The following ITGA9 variants were observed in gnomAD, a reference collection of about 807,000 sequenced individuals.
ITGA9 encodes integrin subunit alpha 9, also known as integrin alpha-9.
ITGA9 carries 56 observed loss-of-function variants against 127.8 expected under a neutral mutation model. The observed-to-expected ratio is 0.44, with a 90% CI of 0.35 to 0.55. The LOEUF is 0.55. Among genes scored for constraint, ITGA9 ranks in the 20% least tolerant of loss-of-function variants. The pLI, the probability that ITGA9 is intolerant of heterozygous loss-of-function variation, is 0.00. For synonymous variants in ITGA9, 508 were observed against 514.5 expected (o/e 0.99, Z 0.17); for missense variants, 1,196 against 1,347.1 (o/e 0.89, Z 1.76).
At chr3:37,624,764 G>T (rs928003003) in intron 15 of ITGA9, among the ~76,000 whole-genome samples, 1 of 151,958 alleles carries the variant, frequency 6.6e-6, no homozygotes, top group Non-Finnish European at 1.5e-5. Context: ...GCTCCACCAC[G>T]CCCGGCTAAT....
At chr3:37,557,596 G>A (rs1699443697) in intron 15 of ITGA9, among the ~76,000 whole-genome samples, 1 of 152,158 alleles carries the variant, frequency 6.6e-6, no homozygotes, top group Non-Finnish European at 1.5e-5. Context: ...GGGTGACAGA[G>A]AGTTGCTTCT....
At chr3:37,716,653 C>T (rs569633371) in intron 18 of ITGA9, among the ~76,000 whole-genome samples, 4 of 149,604 alleles carry the variant, frequency 2.7e-5, no homozygotes, top group Non-Finnish European at 4.4e-5. Flanking sequence ...CCCTGCAGCT[C>T]ATCCTTTTTT....
rs1377442416 is a variant in ITGA9, at chr3:37,750,461, G to T, written c.2434-1G>T. 1.9e-6 allele frequency: 3 copies of T among 1,588,942 alleles called. No homozygotes were observed. ...TTGCTGTGTGTGTTCCACACCCACA[G>T]GTCTACAACACTGGCCCAAGCACCC... On this transcript the variant is annotated splice_acceptor_variant, in intron 22 of 27. Coordinates refer to ENST00000264741, the MANE Select transcript of ITGA9 (RefSeq NM_002207.3). LOFTEE classifies it high-confidence loss of function.
intron 15 of ITGA9, among the ~76,000 whole-genome samples, chr3:37,547,243 G>A (rs1195868356): frequency 1.3e-5 from 2 of 152,226 alleles, no homozygotes; most frequent in African/African-American, 2.4e-5. Flanking sequence ...GCTTTTCTGA[G>A]AAGCTGCAGA....
intron 15 of ITGA9, among the ~76,000 whole-genome samples, chr3:37,622,236 C>T (rs575615230): frequency 1.6e-4 from 24 of 151,610 alleles, no homozygotes; most frequent in African/African-American, 4.6e-4. Context: ...TACAGGCGCC[C>T]GCCACCAGGC....
intron 16 of ITGA9, among the ~76,000 whole-genome samples, chr3:37,641,881 C>T (rs892045734): frequency 5.3e-5 from 8 of 152,174 alleles, no homozygotes; most frequent in African/African-American, 1.7e-4. Flanking sequence ...TAGGTCTCAG[C>T]CTAAATGTTG....
intron 5 of ITGA9, 38 bp downstream of exon 5, chr3:37,494,606 G>A: frequency 1.0e-5 from 16 of 1,552,634 alleles, no homozygotes; most frequent in Non-Finnish European, 1.3e-5. Context: ...GTTCTCTTGT[G>A]GGTGTTCATT....
At chr3:37,483,297 C>T (rs553690729) in intron 4 of ITGA9, among the ~76,000 whole-genome samples, 5 of 152,156 alleles carry the variant, frequency 3.3e-5, no homozygotes, top group South Asian at 4.1e-4. Flanking sequence ...CGCAGGTCCA[C>T]GAGGCTCATA....
chr3:37,641,369 C>T lies in ITGA9; in HGVS notation c.1839+12033C>T, dbSNP rs192200190. Reference sequence around the variant, plus strand: ...CCCTGGTGCCATAAAGGTTGGAGAACACTGGTCTAAGGGTTCTGGCAGGCT... The same window carrying T: ...CCCTGGTGCCATAAAGGTTGGAGAATACTGGTCTAAGGGTTCTGGCAGGCT... On this transcript the variant is annotated intron_variant, in intron 16 of 27. Transcript: ENST00000264741. Among the ~76,000 whole-genome samples the T allele has an allele frequency of 5.3e-5, 8 of 152,244 alleles. No homozygotes were observed. The East Asian group carries it at 1.6e-3, about 30-fold the overall frequency.
chr3:37,652,809 G>C (rs1384855483), intron 16 of ITGA9, among the ~76,000 whole-genome samples: 2 of 152,212 alleles, frequency 1.3e-5, no homozygotes, highest in African/African-American at 2.4e-5. Context: ...CCATCTAACA[G>C]TAGTGAAGAG....
At chr3:37,641,389 C>CA (rs1348224889) in intron 16 of ITGA9, among the ~76,000 whole-genome samples, 1 of 152,144 alleles carries the variant, frequency 6.6e-6, no homozygotes, top group African/African-American at 2.4e-5. Flanking sequence ...AGGGTTCTGG[C>CA]AGGCTCTCAG....
At chr3:37,491,107 G>C (rs777409551) in intron 4 of ITGA9, among the ~76,000 whole-genome samples, 2 of 151,822 alleles carry the variant, frequency 1.3e-5, no homozygotes, top group Non-Finnish European at 2.9e-5. Flanking sequence ...CTCCTGAGTA[G>C]CTGGGACTAC....
At chr3:37,577,563 G>C (rs921761597) in intron 15 of ITGA9, among the ~76,000 whole-genome samples, 1 of 152,236 alleles carries the variant, frequency 6.6e-6, no homozygotes, top group Non-Finnish European at 1.5e-5. Context: ...TGGCATAGAT[G>C]ATGGCTGGAA....
chr3:37,668,605 C>T (rs1217322485), intron 17 of ITGA9, among the ~76,000 whole-genome samples: 1 of 152,184 alleles, frequency 6.6e-6, no homozygotes, highest in Non-Finnish European at 1.5e-5. Context: ...TAATCCTAGA[C>T]TCACCCATCC....
At chr3:37,564,963 G>T (rs1412801524) in intron 15 of ITGA9, among the ~76,000 whole-genome samples, 1 of 152,230 alleles carries the variant, frequency 6.6e-6, no homozygotes. Context: ...AACAAAATGG[G>T]CCTGATCTTG....
In ITGA9 at chr3:37,741,800, G is replaced by T. The variant is rs1190952271; in HGVS notation, c.2305G>T (p.Val769Leu). The T allele has an allele frequency of 6.2e-7, 1 of 1,613,582 alleles. No homozygotes were observed. Among genetic ancestry groups the T allele is most frequent in the South Asian group, 1.1e-5 (1 of 90,860 alleles). The change falls in exon 21 of 28, where the codon GTG (valine) becomes TTG (leucine). Residue 769 changes from valine to leucine, a missense_variant. Coordinates refer to ENST00000264741, the MANE Select transcript of ITGA9 (RefSeq NM_002207.3). ...LVLMVPLMHE[V>L]DTSITGIMSP... is the part of the protein sequence containing the mutation. Reference sequence around the variant, plus strand: ...GCTGATGGTGCCACTGATGCACGAGGTGGACACGTCCATCACCGGGTGAGT... The same window carrying T: ...GCTGATGGTGCCACTGATGCACGAGTTGGACACGTCCATCACCGGGTGAGT...
At chr3:37,647,512 G>T (rs1258080457) in intron 16 of ITGA9, among the ~76,000 whole-genome samples, 1 of 148,488 alleles carries the variant, frequency 6.7e-6, no homozygotes, top group Non-Finnish European at 1.5e-5. Flanking sequence ...CAAATTTCCA[G>T]TATATAATAC....
In ITGA9 at chr3:37,642,295, C is replaced by T. The variant is rs568600572; in HGVS notation, c.1840-11419C>T. ...TGACATCTAACAGAACGTGTTATTTCGTCTACTTGTTATTGTATTTACCTC... is the reference window on the plus strand; with the variant it reads ...TGACATCTAACAGAACGTGTTATTTTGTCTACTTGTTATTGTATTTACCTC... On this transcript the variant is annotated intron_variant, in intron 16 of 27. Coordinates refer to ENST00000264741, the MANE Select transcript of ITGA9 (RefSeq NM_002207.3). 3.3e-5 allele frequency among the ~76,000 whole-genome samples: 5 copies of T among 152,228 alleles called. No individual in the cohort carries two copies. The East Asian group carries it at 5.8e-4, about 18-fold the overall frequency.
At chr3:37,585,500 C>A in intron 15 of ITGA9, 1 of 452,214 alleles carries the variant, frequency 2.2e-6, no homozygotes, top group Non-Finnish European at 4.4e-6. Context: ...TTTTACTTTT[C>A]TTCTTTGGGA....
Sources: allele counts gnomAD v4.1 joint callset (sites outside exome capture counted in the v4.1 genomes callset), GRCh38; gene constraint gnomAD v4.1.1; transcripts MANE v1.5; gene names NCBI Gene and HGNC (gene_info 2026-07-23, HGNC 2026-07-21).